NDE1: variants seen among roughly 807,000 people sequenced by gnomAD.
The protein encoded by NDE1 is nudE neurodevelopment protein 1.
A neutral mutation model predicts 43.4 loss-of-function variants in NDE1; 28 were observed. The observed-to-expected ratio is 0.65, with a 90% CI of 0.48 to 0.89. The LOEUF (loss-of-function observed/expected upper bound fraction) is 0.89, where lower values mean the gene tolerates loss of function less well. Among genes scored for constraint, NDE1 ranks in the 40% least tolerant of loss-of-function variants. The pLI, the probability that NDE1 is intolerant of heterozygous loss-of-function variation, is 0.00. For synonymous variants in NDE1, 184 were observed against 172.0 expected (o/e 1.07, Z -0.55); for missense variants, 441 against 434.1 (o/e 1.02, Z -0.14).
At chr16:15,655,184 A>G (rs2036700307) in intron 1 of NDE1, among the ~76,000 whole-genome samples, 1 of 151,954 alleles carries the variant, frequency 6.6e-6, no homozygotes, top group Non-Finnish European at 1.5e-5. Context: ...CACCTGGCTA[A>G]TTTTTGTGTT....
At chr16:15,717,462 C>T (rs938330263) in intron 8 of NDE1, 41 of 1,072,444 alleles carry the variant, frequency 3.8e-5, no homozygotes, top group Non-Finnish European at 5.4e-5. Context: ...TGATCCCGGG[C>T]ACCCTGTCCT....
At chr16:15,651,076 G>A (rs1434218103) in intron 1 of NDE1, among the ~76,000 whole-genome samples, 1 of 152,200 alleles carries the variant, frequency 6.6e-6, no homozygotes, top group Non-Finnish European at 1.5e-5. Flanking sequence ...AAACCCCGCT[G>A]TCACCTTGAC....
chr16:15,696,179 AATTTTTCGTAATTAAAAAAAATT>A (rs1232546244), intron 7 of NDE1, among the ~76,000 whole-genome samples: 1 of 148,826 alleles, frequency 6.7e-6, no homozygotes, highest in African/African-American at 2.5e-5. Flanking sequence ...CATTTTAAAA[AATTTTTCGTAATTAAAAAAAATT>A]TTTTGCATTA....
rs575181286 is a variant in NDE1 at position 15,724,551 on chromosome 16, A to G, written c.*300A>G. 134 of 1,608,574 alleles carry G rather than the reference A, an allele frequency of 8.3e-5. No homozygotes were observed. The highest frequency in any genetic ancestry group is 1.1e-4 in the Non-Finnish European group (132 of 1,177,424). ...AGGGGAAGCTGGGGGGTCAAGCACCATCGCACCAACACTCCACCGCGATCT... is the reference window on the plus strand; with the variant it reads ...AGGGGAAGCTGGGGGGTCAAGCACCGTCGCACCAACACTCCACCGCGATCT... On this transcript the variant is annotated 3_prime_UTR_variant, in exon 9 of 9. Transcript: ENST00000396354.
chr16:15,694,437 C>G, intron 7 of NDE1, 181 bp downstream of exon 7: 1 of 1,458,804 alleles, frequency 6.9e-7, no homozygotes, highest in South Asian at 1.2e-5. Context: ...CCTCAAAATC[C>G]TGGGTTCAAG....
chr16:15,718,351 C>T lies in NDE1; in HGVS notation c.948-5840C>T, dbSNP rs2040280041. On this transcript the variant is annotated intron_variant, in intron 8 of 8. Coordinates refer to ENST00000396354, the MANE Select transcript of NDE1 (RefSeq NM_017668.3). ...CTTTGCGGACCCGGTCGCTCATGGC[C>T]TCCATGTTGCCCTGCTCCTCCTCCA... 1 of 1,609,020 alleles carries T rather than the reference C, an allele frequency of 6.2e-7. No homozygotes were observed. Among genetic ancestry groups the T allele is most frequent in the Non-Finnish European group, 8.5e-7 (1 of 1,179,804 alleles).
rs1010358741 is a variant in NDE1 at position 15,654,622 on chromosome 16, A to C, written c.-44+4328A>C. Among the ~76,000 whole-genome samples, 161 of 149,518 alleles carry C rather than the reference A, an allele frequency of 1.1e-3. 1 individual carries two copies. Among genetic ancestry groups the C allele is most frequent in the African/African-American group, 3.5e-3 (139 of 40,168 alleles). On this transcript the variant is annotated intron_variant, in intron 1 of 8. Coordinates refer to ENST00000396354, the MANE Select transcript of NDE1 (RefSeq NM_017668.3). ...CGACTCAAAAAAAAAAAAAACAAAA[A>C]AAAAAAAAACAAAACTGGACCAAAT...
chr16:15,714,064 C>T (rs1337062431), intron 8 of NDE1: 2 of 152,382 alleles, frequency 1.3e-5, no homozygotes, highest in African/African-American at 4.8e-5. Context: ...GGTCAAGGAA[C>T]CGAGAGGCTG....
At chr16:15,717,666 C>T (rs771437077) in intron 8 of NDE1, 6 of 445,530 alleles carry the variant, frequency 1.3e-5, no homozygotes, top group African/African-American at 5.9e-5. Context: ...AGTGGTGGCA[C>T]GTGCCTGTAG....
At chr16:15,658,948 C>T (rs986176983) in intron 1 of NDE1, among the ~76,000 whole-genome samples, 2 of 152,160 alleles carry the variant, frequency 1.3e-5, no homozygotes, top group East Asian at 1.9e-4. Flanking sequence ...TGAGCCACCA[C>T]GTCTGGCCAG....
chr16:15,703,577 A>G, intron 8 of NDE1: 1 of 350,470 alleles, frequency 2.9e-6, no homozygotes. Context: ...CCTTGAATAC[A>G]GGGGTAGTAG....
At chr16:15,671,529 T>G (rs1279408457) in intron 3 of NDE1, among the ~76,000 whole-genome samples, 2 of 151,898 alleles carry the variant, frequency 1.3e-5, no homozygotes, top group African/African-American at 4.8e-5. Context: ...TGAGTAGTGG[T>G]TGTTTAGAAC....
intron 4 of NDE1, among the ~76,000 whole-genome samples, chr16:15,682,341 T>G (rs545189020): frequency 6.6e-6 from 1 of 152,330 alleles, no homozygotes; most frequent in Admixed American, 6.5e-5. Context: ...AAGACCGGGT[T>G]TCTCCATGTT....
At chr16:15,700,050 G>A in intron 8 of NDE1, 1 of 1,173,790 alleles carries the variant, frequency 8.5e-7, no homozygotes, top group Non-Finnish European at 1.1e-6. Flanking sequence ...ATTGCAAAGA[G>A]GGACAAAAGG....
At position 15,724,049 on chromosome 16, in the gene NDE1, C is replaced by T; in HGVS notation, c.948-142C>T. 4.5e-6 allele frequency: 7 copies of T among 1,564,730 alleles called. No homozygotes were observed. In the South Asian group the frequency reaches 4.5e-5, roughly 10 times the overall value. ...TAAGACAGCCTCCCATGGCTCCCCACAGAGTGGAGAGGGGATGCAGGCACA... is the reference window on the plus strand; with the variant it reads ...TAAGACAGCCTCCCATGGCTCCCCATAGAGTGGAGAGGGGATGCAGGCACA... On this transcript the variant is annotated intron_variant, in intron 8 of 8. Coordinates refer to ENST00000396354, the MANE Select transcript of NDE1 (RefSeq NM_017668.3).
At chr16:15,714,893 G>T in intron 8 of NDE1, 1 of 1,612,830 alleles carries the variant, frequency 6.2e-7, no homozygotes, top group Non-Finnish European at 8.5e-7. Flanking sequence ...GTCCTCCCGG[G>T]CCACGGGCTC....
In NDE1 at chr16:15,719,742, C is replaced by G. The variant is rs779538756; in HGVS notation, c.948-4449C>G. The G allele has an allele frequency of 3.1e-6, 5 of 1,613,706 alleles. No individual in the cohort carries two copies. The African/African-American group carries it at 5.3e-5, about 17-fold the overall frequency. ...CATGAGTCAACAGGGAGGACAAGCT[C>G]AGATGTCCTTACTCCCCCAAGTTCT... On this transcript the variant is annotated intron_variant, in intron 8 of 8. Coordinates refer to ENST00000396354, the MANE Select transcript of NDE1 (RefSeq NM_017668.3).
At chr16:15,660,470 C>T (rs1443909406) in intron 1 of NDE1, among the ~76,000 whole-genome samples, 3 of 151,584 alleles carry the variant, frequency 2.0e-5, no homozygotes, top group Non-Finnish European at 4.4e-5. Flanking sequence ...GAGACCCTAT[C>T]TCTTAAAAAA....
At chr16:15,719,177 C>A (rs767000748) in intron 8 of NDE1, 4 of 1,576,704 alleles carry the variant, frequency 2.5e-6, no homozygotes, top group Non-Finnish European at 3.5e-6. Flanking sequence ...CCTGTCCCCC[C>A]ATCCTCTGCT....
Sources: gnomAD v4.1 joint callset for allele counts (sites outside exome capture counted in the v4.1 genomes callset) on GRCh38, gnomAD v4.1.1 for gene constraint, MANE v1.5 for transcripts, NCBI Gene and HGNC (gene_info 2026-07-23, HGNC 2026-07-21) for gene names.